NUP107: variants seen among roughly 807,000 people sequenced by gnomAD.
NUP107 encodes the protein nucleoporin 107.
A neutral mutation model predicts 141.0 loss-of-function variants in NUP107; 101 were observed. The ratio of observed to expected loss-of-function variants is 0.72; its 90% CI spans 0.61 to 0.84. NUP107 has a LOEUF of 0.84. Ranked by LOEUF, NUP107 falls within the 40% of genes least tolerant of loss-of-function variation. The pLI is 0.00. For missense variants in NUP107, 941 were observed against 1,102.7 expected, an observed-to-expected ratio of 0.85 and a Z score of 2.08; for synonymous variants, 319 against 363.9, an observed-to-expected ratio of 0.88 and a Z score of 1.41.
At chr12:68,735,178 C>A (rs1211961557) in intron 25 of NUP107, 53 bp from the exon 26 acceptor site, 2 of 1,168,872 alleles carry the variant, frequency 1.7e-6, no homozygotes, top group Non-Finnish European at 2.6e-6. Context: ...TTTCCAAATA[C>A]ATTATTTATT....
In NUP107 at chr12:68,709,984, AT is replaced by A. The variant is rs774598891; in HGVS notation, c.802-14del. 1.9e-5 allele frequency: 27 copies of A among 1,434,812 alleles called. No homozygotes were observed. The highest frequency in any genetic ancestry group is 1.6e-4 in the East Asian group (7 of 43,792). 88.9% of individuals were successfully genotyped at this position (1,434,812 alleles called of 1,614,324 possible). A position where few individuals can be genotyped will look rare whatever the true frequency, so the allele number is the denominator to read the frequency against. On this transcript the variant is annotated intron_variant, in intron 9 of 27. Coordinates refer to ENST00000229179, the MANE Select transcript of NUP107 (RefSeq NM_020401.4). ...TAGATTTGGTAGTTAACACTAATTT[AT>A]TTTTTTCTTTCTTTCTTAGCTGGTG...
chr12:68,687,186 C>T (rs1294435598), intron 1 of NUP107, 113 bp downstream of exon 1: 3 of 1,429,716 alleles, frequency 2.1e-6, no homozygotes, highest in South Asian at 2.4e-5. Context: ...CCGGGTGCTT[C>T]CCCTAAGGCT....
At chr12:68,733,006 T>C (rs1592521385) in intron 23 of NUP107, among the ~76,000 whole-genome samples, 1 of 152,262 alleles carries the variant, frequency 6.6e-6, no homozygotes, top group East Asian at 1.9e-4. Context: ...TTAAAACGTT[T>C]TTGTTCAAAT....
At chr12:68,735,535 A>T (rs184760308) in intron 26 of NUP107, among the ~76,000 whole-genome samples, 191 bp downstream of exon 26, 1 of 152,370 alleles carries the variant, frequency 6.6e-6, no homozygotes, top group East Asian at 1.9e-4. Flanking sequence ...ATAAACTATT[A>T]GTTCACATTT....
At chr12:68,702,476 G>A (rs1876378177) in intron 7 of NUP107, among the ~76,000 whole-genome samples, 2 of 151,920 alleles carry the variant, frequency 1.3e-5, no homozygotes, top group Admixed American at 1.3e-4. Flanking sequence ...TGTTCGCCAG[G>A]CTGGTCTTAA....
Position 68,732,629 on chromosome 12 carries a change from A to G in NUP107, c.1999-8A>G, listed in dbSNP as rs761434570. 3 of 1,553,288 alleles carry G rather than the reference A, an allele frequency of 1.9e-6. No homozygotes were observed. Among genetic ancestry groups the G allele is most frequent in the South Asian group, 2.4e-5 (2 of 82,990 alleles). On this transcript the variant is annotated splice_polypyrimidine_tract_variant and splice_region_variant and intron_variant, in intron 22 of 27. Transcript: ENST00000229179. ...TTCCTTTTTCTTTTTTTCCCCTTTAATAAATAGGAGGATCGTTTAAAAATT... is the reference window on the plus strand; with the variant it reads ...TTCCTTTTTCTTTTTTTCCCCTTTAGTAAATAGGAGGATCGTTTAAAAATT...
At position 68,687,051 on chromosome 12, in the gene NUP107, G is replaced by A. The variant is rs771109119; in HGVS notation, c.-15G>A. 1.2e-6 allele frequency: 2 copies of A among 1,614,204 alleles called. No homozygotes were observed. Among genetic ancestry groups the A allele is most frequent in the Non-Finnish European group, 1.7e-6 (2 of 1,180,000 alleles). ...CTGCAGCCAACTTTGGTTGTGTGTG[G>A]AAAAGGCTTTAGCCATGGACAGGTC... On this transcript the variant is annotated 5_prime_UTR_variant, in exon 1 of 28. Coordinates refer to ENST00000229179, the MANE Select transcript of NUP107 (RefSeq NM_020401.4).
chr12:68,695,342 A>T (rs1004245384), intron 5 of NUP107, among the ~76,000 whole-genome samples: 2 of 152,252 alleles, frequency 1.3e-5, no homozygotes, highest in African/African-American at 4.8e-5. Context: ...CATGATTCAT[A>T]GTAGCCAAAA....
chr12:68,715,755 CCCTTCT>C lies in NUP107; in HGVS notation c.1083+16_1083+21del. Reference sequence around the variant, plus strand: ...TGACAGAAGAGGTCAGTCATGTATACCCTTCTTGTCTAATTTCAAAAAGTCATAGAC... The same window carrying C: ...TGACAGAAGAGGTCAGTCATGTATACTGTCTAATTTCAAAAAGTCATAGAC... On this transcript the variant is annotated intron_variant, in intron 12 of 27. Coordinates refer to ENST00000229179, the MANE Select transcript of NUP107 (RefSeq NM_020401.4). The C allele has an allele frequency of 6.8e-7, 1 of 1,471,862 alleles. No homozygotes were observed. 91.2% of individuals were successfully genotyped at this position (1,471,862 alleles called of 1,614,324 possible).
rs1876977346 is a variant in NUP107 at position 68,713,728 on chromosome 12, A to G, written c.891-2A>G. The G allele has an allele frequency of 1.3e-6, 2 of 1,590,626 alleles. No homozygotes were observed. The highest frequency in any genetic ancestry group is 1.7e-6 in the Non-Finnish European group (2 of 1,172,826). ...AAATTTGGTACTTATTATTTCTTTC[A>G]GGGAAAATACTCTGCATACCTTAAA... On this transcript the variant is annotated splice_acceptor_variant, in intron 10 of 27. Coordinates refer to ENST00000229179, the MANE Select transcript of NUP107 (RefSeq NM_020401.4). LOFTEE classifies it high-confidence loss of function.
chr12:68,704,563 C>T (rs1193038644), intron 8 of NUP107, among the ~76,000 whole-genome samples: 2 of 151,762 alleles, frequency 1.3e-5, no homozygotes, highest in Non-Finnish European at 2.9e-5. Flanking sequence ...AAGCGATTCT[C>T]ATGCCTCAGC....
At chr12:68,709,556 A>G (rs372011552) in intron 9 of NUP107, among the ~76,000 whole-genome samples, 8 of 152,244 alleles carry the variant, frequency 5.3e-5, no homozygotes, top group African/African-American at 1.9e-4. Flanking sequence ...TTGCCATAAT[A>G]TTTATTTATC....
chr12:68,730,493 A>C (rs1877776927), intron 20 of NUP107, among the ~76,000 whole-genome samples: 1 of 152,126 alleles, frequency 6.6e-6, no homozygotes, highest in Admixed American at 6.5e-5. Flanking sequence ...TGCTGGGATT[A>C]TAGGCAAGAG....
chr12:68,702,996 A>G (rs752099512), intron 8 of NUP107, among the ~76,000 whole-genome samples: 12 of 152,044 alleles, frequency 7.9e-5, no homozygotes, highest in East Asian at 1.9e-4. Context: ...GGCGTGCCCC[A>G]CCACGCCCAG....
intron 12 of NUP107, among the ~76,000 whole-genome samples, chr12:68,715,949 A>G (rs1233878849): frequency 6.6e-6 from 1 of 152,242 alleles, no homozygotes; most frequent in African/African-American, 2.4e-5. Flanking sequence ...AACTCTAATT[A>G]ATAGAAAATT....
chr12:68,735,136 A>G (rs1216681681), intron 25 of NUP107, 95 bp from the exon 26 acceptor site: 3 of 863,892 alleles, frequency 3.5e-6, no homozygotes, highest in Non-Finnish European at 5.7e-6. Context: ...ACTCTTTAGA[A>G]TGATGTTCTA....
intron 20 of NUP107, among the ~76,000 whole-genome samples, chr12:68,728,481 TGGCACCATCTC>T (rs1010788749): frequency 1.7e-4 from 24 of 142,750 alleles, no homozygotes; most frequent in Non-Finnish European, 1.2e-4. Context: ...TGGAGTGCAG[TGGCACCATCTC>T]GGCTTACTGC....
rs147941115 is a variant in NUP107 at position 68,721,929 on chromosome 12, C to T, written c.1400C>T (p.Thr467Ile). 7 of 1,613,894 alleles carry T rather than the reference C, an allele frequency of 4.3e-6. No individual in the cohort carries two copies. Among genetic ancestry groups the T allele is most frequent in the Non-Finnish European group, 5.9e-6 (7 of 1,179,922 alleles). Residue 467 changes from threonine to isoleucine, a missense_variant, in exon 16 of 28, where the codon ACA (threonine) becomes ATA (isoleucine). Coordinates refer to ENST00000229179, the MANE Select transcript of NUP107 (RefSeq NM_020401.4). ...AGTCTGGTAGAACAGGAGATCCAGA[C>T]ATCAGTAGCAACTCTGGATGAAACT... ...VDSLVEQEIQ[T>I]SVATLDETEE...
At chr12:68,703,608 G>C (rs1439739021) in intron 8 of NUP107, among the ~76,000 whole-genome samples, 1 of 151,844 alleles carries the variant, frequency 6.6e-6, no homozygotes, top group African/African-American at 2.4e-5. Flanking sequence ...GTGCCACCAC[G>C]CCTGGCTAAT....
Sources: gnomAD v4.1 joint callset for allele counts (sites outside exome capture counted in the v4.1 genomes callset) on GRCh38, gnomAD v4.1.1 for gene constraint, MANE v1.5 for transcripts, NCBI Gene and HGNC (gene_info 2026-07-23, HGNC 2026-07-21) for gene names.